The following ARB2A variants were observed in gnomAD, a reference collection of about 807,000 sequenced individuals.
ARB2A encodes the protein cotranscriptional regulator ARB2A.
chr5:93,949,241 T>C, the ARB2A span, among the ~76,000 whole-genome samples: 1 of 151,990 alleles, frequency 6.6e-6, no homozygotes, highest in Non-Finnish European at 1.5e-5. Context: ...AAGTAATAAT[T>C]ACATCAGGCG....
At chr5:93,892,751 C>G in the ARB2A span, among the ~76,000 whole-genome samples, 2 of 152,086 alleles carry the variant, frequency 1.3e-5, no homozygotes, top group Non-Finnish European at 2.9e-5. Context: ...TTTCACTGCT[C>G]AGCAATATAC....
the ARB2A span, among the ~76,000 whole-genome samples, chr5:94,105,704 G>C: frequency 8.4e-4 from 127 of 151,102 alleles, 2 homozygotes; most frequent in East Asian, 0.014. Context: ...AAAGCCAGAG[G>C]TATCACACTA....
At chr5:93,839,073 T>C in the ARB2A span, among the ~76,000 whole-genome samples, 2 of 152,130 alleles carry the variant, frequency 1.3e-5, no homozygotes, top group Non-Finnish European at 2.9e-5. Flanking sequence ...CTTCCAATAC[T>C]ATGTTGAATA....
At chr5:93,925,028 A>G in the ARB2A span, among the ~76,000 whole-genome samples, 2 of 152,140 alleles carry the variant, frequency 1.3e-5, no homozygotes, top group Admixed American at 1.3e-4. Context: ...GATCAATCTT[A>G]CATTAGCAAT....
chr5:94,065,989 A>C, the ARB2A span, among the ~76,000 whole-genome samples: 1 of 152,128 alleles, frequency 6.6e-6, no homozygotes, highest in Admixed American at 6.6e-5. Context: ...ACAAAACAAG[A>C]CTCAACAAAT....
chr5:93,982,972 C>G, the ARB2A span, among the ~76,000 whole-genome samples: 1 of 152,140 alleles, frequency 6.6e-6, no homozygotes, highest in Non-Finnish European at 1.5e-5. Context: ...AGGAGAATCG[C>G]TTGAACTCAG....
At chr5:93,671,689 G>A in the ARB2A span, among the ~76,000 whole-genome samples, 8 of 151,826 alleles carry the variant, frequency 5.3e-5, no homozygotes, top group African/African-American at 1.2e-4. Flanking sequence ...TTTTCAATGA[G>A]CTCTTACACT....
chr5:93,903,038 A>G, the ARB2A span, among the ~76,000 whole-genome samples: 9 of 152,132 alleles, frequency 5.9e-5, no homozygotes, highest in African/African-American at 1.9e-4. Context: ...GTACATGTTG[A>G]GAATTCAAGT....
the ARB2A span, among the ~76,000 whole-genome samples, chr5:93,801,448 C>G: frequency 7.9e-5 from 12 of 152,052 alleles, no homozygotes; most frequent in Non-Finnish European, 1.5e-4. Context: ...AAGAAAGATG[C>G]AACCAAGGAT....
the ARB2A span, among the ~76,000 whole-genome samples, chr5:93,833,323 T>C: frequency 6.6e-6 from 1 of 152,164 alleles, no homozygotes; most frequent in African/African-American, 2.4e-5. Context: ...AACAAATGAG[T>C]ATTTAAACTT....
At chr5:94,018,916 A>G in the ARB2A span, among the ~76,000 whole-genome samples, 9 of 152,314 alleles carry the variant, frequency 5.9e-5, 1 homozygote, top group East Asian at 1.2e-3. Context: ...AAACTATACT[A>G]CAAAGCTACA....
At chr5:93,824,486 A>G in the ARB2A span, among the ~76,000 whole-genome samples, 2 of 152,174 alleles carry the variant, frequency 1.3e-5, no homozygotes, top group Admixed American at 6.5e-5. Flanking sequence ...AAAGATAAAA[A>G]TTAAAAAAAA....
chr5:93,930,998 C>T, the ARB2A span, among the ~76,000 whole-genome samples: 6 of 152,136 alleles, frequency 3.9e-5, no homozygotes, highest in Non-Finnish European at 7.4e-5. Context: ...GCCACCCATG[C>T]TGACTGGCCC....
At chr5:93,758,224 A>C in the ARB2A span, among the ~76,000 whole-genome samples, 1 of 152,126 alleles carries the variant, frequency 6.6e-6, no homozygotes, top group Non-Finnish European at 1.5e-5. Flanking sequence ...TGCATCTAAC[A>C]CTGGAGCTCC....
At chr5:93,655,841 T>C in the ARB2A span, among the ~76,000 whole-genome samples, 1 of 152,228 alleles carries the variant, frequency 6.6e-6, no homozygotes, top group Non-Finnish European at 1.5e-5. Flanking sequence ...CCACCTTTCC[T>C]ACTTCCTCAA....
At chr5:93,953,199 T>C in the ARB2A span, among the ~76,000 whole-genome samples, 989 of 152,306 alleles carry the variant, frequency 6.5e-3, 4 homozygotes, top group Middle Eastern at 0.017. Context: ...TGGATAGTCT[T>C]GATGCTTGCG....
the ARB2A span, among the ~76,000 whole-genome samples, chr5:93,683,818 A>T: frequency 6.6e-6 from 1 of 152,110 alleles, no homozygotes; most frequent in Non-Finnish European, 1.5e-5. Context: ...CCAGGCAAAA[A>T]GTTTTTTTTT....
the ARB2A span, among the ~76,000 whole-genome samples, chr5:93,668,600 C>A: frequency 6.6e-6 from 1 of 152,230 alleles, no homozygotes; most frequent in Non-Finnish European, 1.5e-5. Context: ...GAACAAAATG[C>A]AAATTTGAGT....
the ARB2A span, among the ~76,000 whole-genome samples, chr5:93,758,382 C>T: frequency 2.0e-5 from 3 of 152,056 alleles, no homozygotes; most frequent in Non-Finnish European, 4.4e-5. Context: ...TAAACTATAC[C>T]TTGGAACAAA....
Sources: allele counts gnomAD v4.1 joint callset (sites outside exome capture counted in the v4.1 genomes callset), GRCh38; gene constraint gnomAD v4.1.1; transcripts MANE v1.5; gene names NCBI Gene and HGNC (gene_info 2026-07-23, HGNC 2026-07-21).